Variants in SH3RF2 observed in about 807,000 individuals in gnomAD.
SH3RF2 encodes the protein SH3 domain containing ring finger 2.
Under a neutral mutation model 59.0 loss-of-function variants are expected in SH3RF2, and 43 were observed. The ratio of observed to expected loss-of-function variants is 0.73; its 90% CI spans 0.57 to 0.94. The LOEUF is 0.94. SH3RF2 is among the 40% of genes least tolerant of loss of function. The pLI is 0.00. For synonymous variants in SH3RF2, 391 were observed against 391.5 expected, an observed-to-expected ratio of 1.00 and a Z score of 0.01; for missense variants, 930 against 940.1, an observed-to-expected ratio of 0.99 and a Z score of 0.14.
At chr5:145,995,787 G>T (rs1053143078) in intron 2 of SH3RF2, among the ~76,000 whole-genome samples, 3 of 152,072 alleles carry the variant, frequency 2.0e-5, no homozygotes, top group African/African-American at 7.2e-5. Context: ...ACATACATAT[G>T]TATTTATAAT....
In SH3RF2 at chr5:146,056,137, C is replaced by A; in HGVS notation, c.1479C>A (p.Asn493Lys). 1 of 1,614,178 alleles carries A rather than the reference C, an allele frequency of 6.2e-7. No homozygotes were observed. The highest frequency in any genetic ancestry group is 8.5e-7 in the Non-Finnish European group (1 of 1,180,012). Reference protein sequence around the residue: ...KSVFVPTAIVNPVRSTAGPGT... With the variant: ...KSVFVPTAIVKPVRSTAGPGT... ...TCTTTGTGCCCACTGCCATAGTCAA[C>A]CCCGTGAGAAGCACAGCCGGCCCTG... Residue 493 changes from asparagine (N) to lysine (K), a missense_variant, in exon 8 of 10, where the codon AAC (asparagine) becomes AAA (lysine). Coordinates refer to ENST00000359120, the MANE Select transcript of SH3RF2 (RefSeq NM_152550.4).
intron 9 of SH3RF2, among the ~76,000 whole-genome samples, chr5:146,069,898 G>A (rs1763195322): frequency 6.7e-6 from 1 of 150,008 alleles, no homozygotes. Context: ...TTTGCCTCCA[G>A]ACTACAGATC....
intron 7 of SH3RF2, among the ~76,000 whole-genome samples, chr5:146,051,867 G>A (rs173586): frequency 0.015 from 2,220 of 152,250 alleles, 20 homozygotes; most frequent in Non-Finnish European, 0.021. Context: ...GAATGACAAC[G>A]AGCCAGAAGC....
chr5:146,049,379 C>T (rs1003846352), intron 7 of SH3RF2, 134 bp downstream of exon 7: 22 of 984,460 alleles, frequency 2.2e-5, no homozygotes, highest in Admixed American at 2.7e-5. Context: ...CTCTATAACC[C>T]GCCTATCTCT....
At chr5:146,054,866 T>TA (rs1299560620) in intron 7 of SH3RF2, among the ~76,000 whole-genome samples, 1 of 152,180 alleles carries the variant, frequency 6.6e-6, no homozygotes, top group Admixed American at 6.5e-5. Flanking sequence ...GCCAGGGTCT[T>TA]AGTTGAGTTG....
chr5:146,016,405 TA>T (rs1761108173), intron 5 of SH3RF2, among the ~76,000 whole-genome samples: 1 of 151,706 alleles, frequency 6.6e-6, no homozygotes, highest in Non-Finnish European at 1.5e-5. Context: ...GATGGATGGA[TA>T]GATGATTGAT....
chr5:146,064,116 T>C (rs1254595476), downstream of SH3RF2, among the ~76,000 whole-genome samples: 2 of 151,650 alleles, frequency 1.3e-5, no homozygotes, highest in African/African-American at 4.9e-5. Flanking sequence ...CAAAGAAGGC[T>C]GGAGGAGAAA....
At chr5:146,025,696 G>A (rs1444267861) in intron 5 of SH3RF2, among the ~76,000 whole-genome samples, 2 of 147,198 alleles carry the variant, frequency 1.4e-5, no homozygotes, top group African/African-American at 4.9e-5. Flanking sequence ...TGCTGAAGTG[G>A]AATCTATGGA....
At chr5:146,060,315 G>A (rs1762842872) in intron 9 of SH3RF2, 91 bp downstream of exon 9, 3 of 1,284,278 alleles carry the variant, frequency 2.3e-6, no homozygotes, top group Admixed American at 5.0e-5. Context: ...TGGTGAACAA[G>A]GAACCAAAAT....
intron 9 of SH3RF2, among the ~76,000 whole-genome samples, chr5:146,074,450 C>G (rs1763302694): frequency 1.3e-5 from 2 of 152,026 alleles, no homozygotes; most frequent in Admixed American, 1.3e-4. Flanking sequence ...ATCTCTACAA[C>G]GAGGGACTTG....
intron 9 of SH3RF2, among the ~76,000 whole-genome samples, chr5:146,072,669 T>TA (rs909990516): frequency 3.2e-4 from 47 of 148,632 alleles, no homozygotes; most frequent in African/African-American, 8.4e-4. Context: ...GACTCCATCT[T>TA]AAAAAAAAAA....
intron 2 of SH3RF2, among the ~76,000 whole-genome samples, chr5:145,953,162 ATTGC>A (rs1758258496): frequency 2.6e-5 from 4 of 152,054 alleles, no homozygotes; most frequent in African/African-American, 9.7e-5. Flanking sequence ...AATAAAAATA[ATTGC>A]AAATTGCAAT....
rs879468660 is a variant in SH3RF2, at chr5:146,000,452, A to ATATT, written c.648+127_648+130dup. ...TTTTAAATATATTATATTATTGTTA[A>ATATT]TATTTTATTCATAAAAATATATTTT... On this transcript the variant is annotated intron_variant, in intron 3 of 9. Transcript: ENST00000359120. 0.01 allele frequency: 7,561 copies of ATATT among 736,390 alleles called. 431 individuals carry two copies. In the African/African-American group the frequency reaches 0.13, roughly 12 times the overall value. 45.6% of individuals were successfully genotyped at this position (736,390 alleles called of 1,614,324 possible). A position where few individuals can be genotyped will look rare whatever the true frequency, so the allele number is the denominator to read the frequency against.
chr5:145,950,573 G>A (rs1656267827), intron 2 of SH3RF2, among the ~76,000 whole-genome samples: 1 of 152,110 alleles, frequency 6.6e-6, no homozygotes, highest in Non-Finnish European at 1.5e-5. Context: ...AGAAAAGAGG[G>A]AGCTAGAGAA....
chr5:145,973,786 A>C (rs1438934950), intron 2 of SH3RF2, among the ~76,000 whole-genome samples: 2 of 152,226 alleles, frequency 1.3e-5, no homozygotes, highest in African/African-American at 4.8e-5. Flanking sequence ...CTACTTAGAC[A>C]TATAATTTGA....
In SH3RF2 at chr5:145,992,807, C is replaced by T. The variant is rs115563818; in HGVS notation, c.379-7251C>T. ...GTGGGAATTCAAGATGAGATCTGGG[C>T]GGGGACAGAGCCAAATCATATCATT... On this transcript the variant is annotated intron_variant, in intron 2 of 9. Transcript: ENST00000359120. Among the ~76,000 whole-genome samples, 1,216 of 150,652 alleles carry T rather than the reference C, an allele frequency of 8.1e-3. 4 individuals carry two copies. The highest frequency in any genetic ancestry group is 0.013 in the Non-Finnish European group (862 of 67,556).
rs889507345 is a variant in SH3RF2, at chr5:145,936,594, A to G, written c.-207A>G. On this transcript the variant is annotated 5_prime_UTR_variant, in exon 1 of 10. Transcript: ENST00000359120. ...TAAAGTTTTCAAAGCGGTTGGCAGCAGCGGCGCTTGGAGGAAAGGAAGCCG... is the reference window on the plus strand; with the variant it reads ...TAAAGTTTTCAAAGCGGTTGGCAGCGGCGGCGCTTGGAGGAAAGGAAGCCG... The G allele has an allele frequency of 6.6e-6, 1 of 152,468 alleles. No homozygotes were observed. The allele number at this position is 152,468 out of a possible 1,614,324, so 9.4% of individuals were successfully genotyped here. A position where few individuals can be genotyped will look rare whatever the true frequency, so the allele number is the denominator to read the frequency against.
At chr5:145,954,706 G>A (rs762428728) in intron 2 of SH3RF2, among the ~76,000 whole-genome samples, 3 of 152,142 alleles carry the variant, frequency 2.0e-5, no homozygotes, top group East Asian at 3.8e-4. Flanking sequence ...TTAGAGAATG[G>A]ATAATTTATA....
chr5:146,019,006 A>ATATT (rs896135012), intron 5 of SH3RF2, among the ~76,000 whole-genome samples: 1 of 151,890 alleles, frequency 6.6e-6, no homozygotes, highest in African/African-American at 2.4e-5. Context: ...TAGATTCTGG[A>ATATT]TATTAGTCCT....
Sources: gnomAD v4.1 joint callset for allele counts (sites outside exome capture counted in the v4.1 genomes callset) on GRCh38, gnomAD v4.1.1 for gene constraint, MANE v1.5 for transcripts, NCBI Gene and HGNC (gene_info 2026-07-23, HGNC 2026-07-21) for gene names.